TMTC2: variants seen among roughly 807,000 people sequenced by gnomAD.
The protein encoded by TMTC2 is protein O-mannosyl-transferase TMTC2.
A neutral mutation model predicts 82.4 loss-of-function variants in TMTC2; 43 were observed. The ratio of observed to expected loss-of-function variants is 0.52; its 90% CI spans 0.41 to 0.67. TMTC2 has a LOEUF of 0.67. TMTC2 is among the 30% of genes least tolerant of loss of function. TMTC2 has a pLI of 0.00. For missense variants in TMTC2, 919 were observed against 1,012.4 expected, an observed-to-expected ratio of 0.91 and a Z score of 1.25; for synonymous variants, 408 against 381.9, an observed-to-expected ratio of 1.07 and a Z score of -0.80.
At chr12:83,009,702 C>G (rs1207095964) in intron 8 of TMTC2, among the ~76,000 whole-genome samples, 1 of 152,154 alleles carries the variant, frequency 6.6e-6, no homozygotes, top group African/African-American at 2.4e-5. Context: ...ACACTTTCAA[C>G]CCCTCTTATA....
chr12:83,087,859 G>A (rs1883715283), intron 11 of TMTC2, among the ~76,000 whole-genome samples: 1 of 152,176 alleles, frequency 6.6e-6, no homozygotes, highest in Non-Finnish European at 1.5e-5. Context: ...GGAATAATCA[G>A]TGAGCACTGG....
chr12:83,113,335 G>T (rs1431766243), intron 11 of TMTC2, among the ~76,000 whole-genome samples: 1 of 152,088 alleles, frequency 6.6e-6, no homozygotes, highest in Non-Finnish European at 1.5e-5. Flanking sequence ...TCATTGAGCT[G>T]GTCTTTAAAA....
At chr12:82,845,456 C>T (rs527801860) in intron 1 of TMTC2, among the ~76,000 whole-genome samples, 6 of 151,680 alleles carry the variant, frequency 4.0e-5, no homozygotes, top group African/African-American at 7.3e-5. Context: ...TAAAGTGGTT[C>T]ATGTATAGTA....
At chr12:83,049,381 T>C (rs1013304156) in intron 9 of TMTC2, among the ~76,000 whole-genome samples, 6 of 152,178 alleles carry the variant, frequency 3.9e-5, no homozygotes, top group African/African-American at 1.4e-4. Context: ...ACTCAATGTT[T>C]AGCTCCCACT....
chr12:82,881,178 G>A (rs1282614672), intron 2 of TMTC2, among the ~76,000 whole-genome samples: 2 of 152,130 alleles, frequency 1.3e-5, no homozygotes, highest in African/African-American at 2.4e-5. Context: ...ATCAAAATAG[G>A]TATTCAGTAA....
intron 1 of TMTC2, among the ~76,000 whole-genome samples, chr12:82,694,339 A>G (rs1872699876): frequency 6.6e-6 from 1 of 152,144 alleles, no homozygotes; most frequent in Admixed American, 6.5e-5. Flanking sequence ...GAAAATATGA[A>G]CCCTGGATTT....
intron 2 of TMTC2, among the ~76,000 whole-genome samples, chr12:82,865,010 T>A (rs1871765365): frequency 6.9e-6 from 1 of 145,516 alleles, no homozygotes; most frequent in African/African-American, 2.6e-5. Context: ...ATCAGGAGTT[T>A]GAGACCAGCC....
chr12:83,083,419 G>A (rs1883542009), intron 11 of TMTC2, among the ~76,000 whole-genome samples: 1 of 152,120 alleles, frequency 6.6e-6, no homozygotes. Flanking sequence ...TTGAGACTTT[G>A]CATCCCCAGC....
At position 82,965,013 on chromosome 12, in the gene TMTC2, T is replaced by A; in HGVS notation, c.1599-11T>A. 1 of 1,600,260 alleles carries A rather than the reference T, an allele frequency of 6.2e-7. No homozygotes were observed. The highest frequency in any genetic ancestry group is 8.5e-7 in the Non-Finnish European group (1 of 1,173,176). On this transcript the variant is annotated splice_polypyrimidine_tract_variant and intron_variant, in intron 4 of 11. Coordinates refer to ENST00000321196, the MANE Select transcript of TMTC2 (RefSeq NM_152588.3). ...CAGTCCTTTCTCTAAATTTCTGTTT[T>A]CCTCATGCAGAGGGCTACTTCTCCA...
At chr12:83,009,306 C>T (rs1386550712) in intron 8 of TMTC2, among the ~76,000 whole-genome samples, 2 of 152,044 alleles carry the variant, frequency 1.3e-5, no homozygotes, top group Non-Finnish European at 2.9e-5. Context: ...TAGTCCGGTT[C>T]CTGAAAGGTG....
At chr12:82,780,253 T>G (rs2137007592) in intron 1 of TMTC2, among the ~76,000 whole-genome samples, 1 of 152,288 alleles carries the variant, frequency 6.6e-6, no homozygotes, top group Admixed American at 6.5e-5. Context: ...ACCTGGCTCA[T>G]TTTCCTTATG....
intron 4 of TMTC2, among the ~76,000 whole-genome samples, chr12:82,940,014 C>CTTT (rs71309537): frequency 4.3e-3 from 393 of 91,226 alleles, no homozygotes; most frequent in Middle Eastern, 0.014. Flanking sequence ...TCTTTCTTTA[C>CTTT]TTTTTTTTTT....
At chr12:83,119,414 A>C (rs966170218) in intron 11 of TMTC2, among the ~76,000 whole-genome samples, 52 of 152,310 alleles carry the variant, frequency 3.4e-4, no homozygotes, top group Non-Finnish European at 2.9e-4. Context: ...ATCATCATTC[A>C]GGATCAGGTT....
At chr12:82,892,690 TC>T (rs1377832495) in intron 2 of TMTC2, among the ~76,000 whole-genome samples, 1 of 152,210 alleles carries the variant, frequency 6.6e-6, no homozygotes, top group Non-Finnish European at 1.5e-5. Context: ...TGTAATGCTT[TC>T]TCTCTTCCTC....
chr12:82,731,291 T>C (rs10506879), intron 1 of TMTC2, among the ~76,000 whole-genome samples: 2,590 of 152,356 alleles, frequency 0.017, 74 homozygotes, highest in African/African-American at 0.059. Context: ...CAAATGTTTC[T>C]GCGTAGGTTG....
intron 11 of TMTC2, among the ~76,000 whole-genome samples, chr12:83,120,807 GT>G (rs1453520181): frequency 1.3e-5 from 2 of 152,068 alleles, no homozygotes; most frequent in African/African-American, 4.8e-5. Context: ...AGGTTTGGCT[GT>G]TTACCATAAT....
rs777851020 is a variant in TMTC2, at chr12:82,930,490, G to A, written c.1543G>A (p.Ala515Thr). Reference protein sequence around the residue: ...SQSKISEAESAYRNALYYRSN... With the variant: ...SQSKISEAESTYRNALYYRSN... Reference sequence around the variant, plus strand: ...GAGCAAAATTTCTGAAGCTGAAAGCGCCTATAGAAATGCTTTGTACTACCG... The same window carrying A: ...GAGCAAAATTTCTGAAGCTGAAAGCACCTATAGAAATGCTTTGTACTACCG... Residue 515 changes from alanine to threonine, a missense_variant, in exon 4 of 12, where the codon GCC becomes ACC. Ala to Thr is a moderately conservative substitution (Grantham distance 58). Coordinates refer to ENST00000321196, the MANE Select transcript of TMTC2 (RefSeq NM_152588.3). 22 of 1,604,596 alleles carry A rather than the reference G, an allele frequency of 1.4e-5. No individual in the cohort carries two copies. Among genetic ancestry groups the A allele is most frequent in the East Asian group, 2.2e-5 (1 of 44,608 alleles).
At chr12:82,778,848 CAAAAAAAAAAAAAAAA>C (rs56354957) in intron 1 of TMTC2, among the ~76,000 whole-genome samples, 2 of 23,444 alleles carry the variant, frequency 8.5e-5, no homozygotes, top group African/African-American at 4.0e-4. Flanking sequence ...GACTCCGTCT[CAAAAAAAAAAAAAAAA>C]AAAAAAAAAA....
chr12:83,059,334 G>T (rs1882655942), intron 10 of TMTC2, among the ~76,000 whole-genome samples: 1 of 151,642 alleles, frequency 6.6e-6, no homozygotes, highest in African/African-American at 2.4e-5. Context: ...TGTAAAATGG[G>T]CATTGGACAC....
Sources: allele counts gnomAD v4.1 joint callset (sites outside exome capture counted in the v4.1 genomes callset), GRCh38; gene constraint gnomAD v4.1.1; transcripts MANE v1.5; gene names NCBI Gene and HGNC (gene_info 2026-07-23, HGNC 2026-07-21).